CCDC138: variants seen among roughly 807,000 people sequenced by gnomAD.
CCDC138 encodes coiled-coil domain-containing protein 138.
In CCDC138, 66 loss-of-function variants were observed where a neutral mutation model predicts 82.3. The ratio of observed to expected loss-of-function variants is 0.80; its 90% CI spans 0.66 to 0.98. CCDC138 has a LOEUF of 0.98. CCDC138 is among the 50% of genes least tolerant of loss of function. The pLI, the probability that CCDC138 is intolerant of heterozygous loss-of-function variation, is 0.00. For synonymous variants in CCDC138, 297 were observed against 265.4 expected, an observed-to-expected ratio of 1.12 and a Z score of -1.16; for missense variants, 816 against 758.9, an observed-to-expected ratio of 1.08 and a Z score of -0.88.
At chr2:108,876,736 C>G (rs1172883174), downstream of CCDC138, among the ~76,000 whole-genome samples, 1 of 151,306 alleles carries the variant, frequency 6.6e-6, no homozygotes, top group East Asian at 1.9e-4. Flanking sequence ...TTATTGTGCT[C>G]TTTGTGGGAT....
intron 10 of CCDC138, among the ~76,000 whole-genome samples, chr2:108,825,485 G>A (rs1328135919): frequency 6.6e-6 from 1 of 151,402 alleles, no homozygotes; most frequent in Admixed American, 6.6e-5. Flanking sequence ...AGCACTTCCA[G>A]TCCTAGGCAA....
At chr2:108,860,195 G>A (rs897078257) in intron 13 of CCDC138, among the ~76,000 whole-genome samples, 2 of 151,724 alleles carry the variant, frequency 1.3e-5, no homozygotes, top group African/African-American at 2.4e-5. Context: ...CGTTGAATTT[G>A]TATCTTCAGA....
intron 13 of CCDC138, among the ~76,000 whole-genome samples, chr2:108,860,841 C>T (rs9808295): frequency 2.1e-4 from 32 of 149,038 alleles, no homozygotes; most frequent in African/African-American, 7.8e-4. Context: ...GGAGTCCCTC[C>T]TCCTCGATAT....
At chr2:108,795,196 C>T in intron 5 of CCDC138, among the ~76,000 whole-genome samples, 1 of 125,716 alleles carries the variant, frequency 8.0e-6, no homozygotes, top group Non-Finnish European at 1.6e-5. Context: ...GCTGTATCAC[C>T]CAGGCTGGAG....
At chr2:108,865,609 A>G (rs1328185691) in intron 13 of CCDC138, among the ~76,000 whole-genome samples, 4 of 152,156 alleles carry the variant, frequency 2.6e-5, no homozygotes, top group African/African-American at 9.7e-5. Context: ...TGCCAGTCCT[A>G]TCCACTTTCT....
intron 10 of CCDC138, among the ~76,000 whole-genome samples, chr2:108,827,474 T>A (rs1479644389): frequency 6.6e-6 from 1 of 152,156 alleles, no homozygotes; most frequent in Non-Finnish European, 1.5e-5. Flanking sequence ...GATAGGAAGA[T>A]TTATTATGAC....
chr2:108,816,873 T>A lies in CCDC138; in HGVS notation c.1206+768T>A, dbSNP rs182177307. Among the ~76,000 whole-genome samples, 284 of 152,222 alleles carry A rather than the reference T, an allele frequency of 1.9e-3. 3 individuals are homozygous for A. The highest frequency in any genetic ancestry group is 6.6e-3 in the African/African-American group (273 of 41,544). The stretch of plus-strand genomic sequence containing the variant: ...CTTGCCAGCTAATTTTTAAAAAAAA[T>A]TTTTGTAGAGATCAGACCTGGCTTC... On this transcript the variant is annotated intron_variant, in intron 10 of 14. Coordinates refer to ENST00000295124, the MANE Select transcript of CCDC138 (RefSeq NM_144978.3).
intron 6 of CCDC138, among the ~76,000 whole-genome samples, chr2:108,802,907 G>C (rs1295413671): frequency 1.3e-5 from 2 of 152,050 alleles, no homozygotes; most frequent in African/African-American, 4.8e-5. Flanking sequence ...TTTGTCTTTG[G>C]CTCTGTTTAT....
chr2:108,830,362 A>T (rs1018494050), intron 10 of CCDC138, among the ~76,000 whole-genome samples: 4 of 152,244 alleles, frequency 2.6e-5, no homozygotes, highest in Non-Finnish European at 5.9e-5. Context: ...GTGTGATTAC[A>T]CTTAATGCCA....
intron 10 of CCDC138, among the ~76,000 whole-genome samples, chr2:108,834,244 G>A (rs961996691): frequency 8.1e-4 from 114 of 141,036 alleles, no homozygotes; most frequent in African/African-American, 3.2e-3. Context: ...ACAGAGTCTC[G>A]CTCTGTCACA....
At chr2:108,868,445 C>G (rs550310029) in intron 13 of CCDC138, among the ~76,000 whole-genome samples, 1 of 152,252 alleles carries the variant, frequency 6.6e-6, no homozygotes, top group Non-Finnish European at 1.5e-5. Context: ...AAATTTGTTT[C>G]AAGAAATAAC....
chr2:108,791,505 G>T (rs772198917), intron 3 of CCDC138, 170 bp from the exon 4 acceptor site: 9 of 710,708 alleles, frequency 1.3e-5, no homozygotes, highest in Admixed American at 6.6e-5. Flanking sequence ...TCAATGATCA[G>T]TGACTGTTAG....
intron 7 of CCDC138, among the ~76,000 whole-genome samples, chr2:108,806,893 A>G (rs1347132481): frequency 6.6e-6 from 1 of 152,230 alleles, no homozygotes; most frequent in African/African-American, 2.4e-5. Context: ...AGATAGTCCC[A>G]GTGAACACCC....
chr2:108,791,860 T>C, intron 4 of CCDC138, 58 bp downstream of exon 4: 15 of 1,485,220 alleles, frequency 1.0e-5, no homozygotes, highest in Non-Finnish European at 1.4e-5. Context: ...GTAGAGTAAA[T>C]GAAGCTTCCC....
chr2:108,793,682 C>T (rs985854533), intron 4 of CCDC138, among the ~76,000 whole-genome samples: 1 of 151,612 alleles, frequency 6.6e-6, no homozygotes, highest in East Asian at 2.0e-4. Flanking sequence ...CTGTAAGCTC[C>T]GCCTCCCGGA....
intron 10 of CCDC138, among the ~76,000 whole-genome samples, chr2:108,831,386 A>G (rs186177939): frequency 6.2e-4 from 95 of 152,332 alleles, no homozygotes; most frequent in Admixed American, 3.6e-3. Flanking sequence ...AAATATGCCA[A>G]ATCTTTTGAA....
chr2:108,798,330 G>A, intron 5 of CCDC138, 98 bp from the exon 6 acceptor site: 3 of 1,395,342 alleles, frequency 2.2e-6, no homozygotes, highest in Non-Finnish European at 2.9e-6. Flanking sequence ...CTGTATTCCT[G>A]AAAACCACTT....
chr2:108,815,514 T>G (rs1012000461), intron 9 of CCDC138, among the ~76,000 whole-genome samples: 2 of 148,172 alleles, frequency 1.3e-5, no homozygotes, highest in African/African-American at 5.0e-5. Context: ...TTGCCCAGAT[T>G]GGTGTGCAGT....
intron 7 of CCDC138, among the ~76,000 whole-genome samples, chr2:108,809,075 C>T (rs1344554787): frequency 6.6e-6 from 1 of 152,090 alleles, no homozygotes; most frequent in African/African-American, 2.4e-5. Flanking sequence ...AGGAGACTGT[C>T]ATCTCCCTTA....
Sources: allele counts gnomAD v4.1 joint callset (sites outside exome capture counted in the v4.1 genomes callset), GRCh38; gene constraint gnomAD v4.1.1; transcripts MANE v1.5; gene names NCBI Gene and HGNC (gene_info 2026-07-23, HGNC 2026-07-21).